Variants in RBFOX1 observed in about 807,000 individuals in gnomAD.
The protein encoded by RBFOX1 is RNA binding protein fox-1 homolog 1.
RBFOX1 carries 8 observed loss-of-function variants against 57.7 expected under a neutral mutation model. The observed-to-expected ratio is 0.14, with a 90% CI of 0.08 to 0.25. The LOEUF (loss-of-function observed/expected upper bound fraction) is 0.25. RBFOX1 is among the 10% of genes least tolerant of loss of function. The probability of loss-of-function intolerance (pLI) is 1.00; values close to 1 mark genes in which losing one functional copy is unlikely to be tolerated. For missense variants in RBFOX1, 611 were observed against 548.5 expected (o/e 1.11, Z -1.14); for synonymous variants, 326 against 222.4 (o/e 1.47, Z -4.15).
intron 4 of RBFOX1, among the ~76,000 whole-genome samples, chr16:7,071,333 G>A (rs1051461017): frequency 3.3e-5 from 5 of 152,062 alleles, no homozygotes; most frequent in African/African-American, 9.7e-5. Context: ...ATAATGCCAG[G>A]AAAAAGAAAA....
At chr16:6,882,947 C>T (rs1411035024) in intron 3 of RBFOX1, among the ~76,000 whole-genome samples, 1 of 152,156 alleles carries the variant, frequency 6.6e-6, no homozygotes, top group Non-Finnish European at 1.5e-5. Context: ...GCGGCTTCCC[C>T]TCCTGCTTTA....
chr16:5,416,376 C>G (rs2067159971), intron 1 of RBFOX1, among the ~76,000 whole-genome samples: 1 of 152,170 alleles, frequency 6.6e-6, no homozygotes, highest in South Asian at 2.1e-4. Flanking sequence ...ATATACATAT[C>G]TATCTTTCCT....
At chr16:6,683,455 T>C (rs1169976884) in intron 3 of RBFOX1, among the ~76,000 whole-genome samples, 2 of 152,156 alleles carry the variant, frequency 1.3e-5, no homozygotes. Flanking sequence ...TTTCAAATGG[T>C]TTAGGAGAAA....
chr16:6,108,265 G>A (rs956503510), intron 1 of RBFOX1, among the ~76,000 whole-genome samples: 1 of 152,096 alleles, frequency 6.6e-6, no homozygotes, highest in Admixed American at 6.5e-5. Flanking sequence ...GTAGCAGAGT[G>A]GTTATAGAAG....
At chr16:5,729,731 C>A (rs77710064) in intron 3 of RBFOX1, among the ~76,000 whole-genome samples, 1 of 152,088 alleles carries the variant, frequency 6.6e-6, no homozygotes, top group Non-Finnish European at 1.5e-5. Flanking sequence ...CTACTCTTAT[C>A]GCAACTGGGG....
intron 4 of RBFOX1, among the ~76,000 whole-genome samples, chr16:7,240,308 G>C (rs2093992014): frequency 6.6e-6 from 1 of 152,084 alleles, no homozygotes; most frequent in African/African-American, 2.4e-5. Flanking sequence ...AATGTTTACG[G>C]AGCAGTGTTC....
intron 3 of RBFOX1, among the ~76,000 whole-genome samples, chr16:5,857,138 A>G (rs1021685531): frequency 6.6e-6 from 1 of 152,088 alleles, no homozygotes; most frequent in African/African-American, 2.4e-5. Context: ...ACCTGATTTC[A>G]GTATTATTGT....
chr16:6,892,770 GTCTCCCTCTCTCTCTCTCTCTCTCTCTC>G (rs1488208567), intron 3 of RBFOX1, among the ~76,000 whole-genome samples: 11 of 91,850 alleles, frequency 1.2e-4, no homozygotes, highest in Middle Eastern at 7.5e-3. Context: ...AAGCCTCCCT[GTCTCCCTCTCTCTCTCTCTCTCTCTCTC>G]TCTCTCTCTC....
intron 5 of RBFOX1, among the ~76,000 whole-genome samples, chr16:7,572,482 G>A (rs2092887552): frequency 6.6e-6 from 1 of 152,176 alleles, no homozygotes; most frequent in South Asian, 2.1e-4. Flanking sequence ...CGACTGGCAT[G>A]TGGTGGGTGG....
At chr16:5,904,455 C>G (rs1336944023) in intron 4 of RBFOX1, among the ~76,000 whole-genome samples, 2 of 151,676 alleles carry the variant, frequency 1.3e-5, no homozygotes, top group African/African-American at 4.8e-5. Flanking sequence ...TATGGGGAAC[C>G]TCCTCGCTAA....
At chr16:7,025,178 T>G (rs1168854964) in intron 3 of RBFOX1, among the ~76,000 whole-genome samples, 4 of 152,188 alleles carry the variant, frequency 2.6e-5, no homozygotes, top group Non-Finnish European at 5.9e-5. Flanking sequence ...TTTTTATGGT[T>G]ATTTCTTGAT....
chr16:5,795,811 T>G (rs2054858606), intron 3 of RBFOX1, among the ~76,000 whole-genome samples: 1 of 152,208 alleles, frequency 6.6e-6, no homozygotes, highest in Admixed American at 6.5e-5. Context: ...CTGTTTACAT[T>G]CATTGGGGAA....
intron 3 of RBFOX1, among the ~76,000 whole-genome samples, chr16:7,020,222 C>G (rs1270319802): frequency 2.0e-5 from 3 of 151,682 alleles, no homozygotes; most frequent in East Asian, 1.9e-4. Flanking sequence ...TTCTTTGTTT[C>G]TTTCTTTATT....
chr16:7,645,827 T>C (rs2143945451), intron 11 of RBFOX1, among the ~76,000 whole-genome samples: 1 of 152,326 alleles, frequency 6.6e-6, no homozygotes, highest in African/African-American at 2.4e-5. Flanking sequence ...ATCCCAAATG[T>C]GTGTTTCAGG....
chr16:6,039,723 C>A (rs796787647), intron 1 of RBFOX1, among the ~76,000 whole-genome samples: 38 of 152,186 alleles, frequency 2.5e-4, no homozygotes, highest in African/African-American at 8.9e-4. Context: ...GTGCCTTTTT[C>A]TGGGTTAACA....
intron 3 of RBFOX1, among the ~76,000 whole-genome samples, chr16:6,718,253 G>T (rs1422267525): frequency 1.3e-5 from 2 of 152,184 alleles, no homozygotes; most frequent in Non-Finnish European, 2.9e-5. Flanking sequence ...CATATGGTAG[G>T]TATGTTGGCA....
At chr16:7,484,816 A>G (rs1342917681) in intron 4 of RBFOX1, among the ~76,000 whole-genome samples, 1 of 152,144 alleles carries the variant, frequency 6.6e-6, no homozygotes, top group African/African-American at 2.4e-5. Context: ...TTATGTATCT[A>G]ACTAGCATGG....
intron 4 of RBFOX1, among the ~76,000 whole-genome samples, chr16:5,886,756 C>A (rs7201253): frequency 0.37 from 56,817 of 152,028 alleles, 12,619 homozygotes; most frequent in African/African-American, 0.62. Context: ...TGTGTAGTGG[C>A]AGATGCCTGT....
At chr16:6,604,576 A>G (rs1470393504) in intron 2 of RBFOX1, among the ~76,000 whole-genome samples, 1 of 152,234 alleles carries the variant, frequency 6.6e-6, no homozygotes, top group Non-Finnish European at 1.5e-5. Flanking sequence ...GGTAAATAGC[A>G]AGGTAAAGCA....
Sources: allele counts gnomAD v4.1 joint callset (sites outside exome capture counted in the v4.1 genomes callset), GRCh38; gene constraint gnomAD v4.1.1; transcripts MANE v1.5; gene names NCBI Gene and HGNC (gene_info 2026-07-23, HGNC 2026-07-21).